SDK1: variants seen among roughly 807,000 people sequenced by gnomAD.
SDK1 encodes the protein sidekick cell adhesion molecule 1, also known as protein sidekick-1.
In SDK1, 157 loss-of-function variants were observed where a neutral mutation model predicts 245.5. The observed-to-expected ratio is 0.64, with a 90% CI of 0.56 to 0.73. The LOEUF is 0.73. Among genes scored for constraint, SDK1 ranks in the 30% least tolerant of loss-of-function variants. SDK1 has a pLI of 0.00. For synonymous variants in SDK1, 1,647 were observed against 1,278.5 expected, an observed-to-expected ratio of 1.29 and a Z score of -6.15; for missense variants, 3,583 against 3,002.3, an observed-to-expected ratio of 1.19 and a Z score of -4.52.
chr7:3,465,084 G>C (rs1780951659), intron 1 of SDK1, among the ~76,000 whole-genome samples: 2 of 152,124 alleles, frequency 1.3e-5, no homozygotes, highest in African/African-American at 4.8e-5. Flanking sequence ...ACATGTGGTG[G>C]GGCTAATCCG....
chr7:3,990,536 C>T (rs574676503), intron 14 of SDK1, among the ~76,000 whole-genome samples: 16 of 152,322 alleles, frequency 1.1e-4, no homozygotes, highest in Middle Eastern at 3.4e-3. Flanking sequence ...GTACGTAAAA[C>T]AGGACTTGAC....
chr7:4,213,988 G>A (rs1562441688), intron 38 of SDK1, among the ~76,000 whole-genome samples: 1 of 152,188 alleles, frequency 6.6e-6, no homozygotes, highest in African/African-American at 2.4e-5. Context: ...GTCGGGCACT[G>A]TGCTCAGCAC....
chr7:3,508,671 TC>T (rs1256601525), intron 1 of SDK1, among the ~76,000 whole-genome samples: 1 of 152,186 alleles, frequency 6.6e-6, no homozygotes, highest in Non-Finnish European at 1.5e-5. Context: ...AGCTCTAATT[TC>T]AAGAGACCTT....
At chr7:4,101,755 C>T (rs1028412819) in intron 22 of SDK1, among the ~76,000 whole-genome samples, 3 of 152,078 alleles carry the variant, frequency 2.0e-5, no homozygotes, top group Admixed American at 6.5e-5. Context: ...TGCCTGTGGT[C>T]GGTAGGAAGG....
intron 4 of SDK1, among the ~76,000 whole-genome samples, chr7:3,764,677 G>C (rs917506783): frequency 1.3e-5 from 2 of 151,462 alleles, no homozygotes; most frequent in Non-Finnish European, 2.9e-5. Context: ...GTGAGACTCT[G>C]TCTCAAAAAA....
intron 1 of SDK1, among the ~76,000 whole-genome samples, chr7:3,530,935 A>G (rs1419645731): frequency 1.3e-5 from 2 of 152,222 alleles, no homozygotes; most frequent in Non-Finnish European, 2.9e-5. Context: ...ATTTGCAGTG[A>G]GAAGTCTTTA....
intron 28 of SDK1, among the ~76,000 whole-genome samples, chr7:4,135,307 C>G (rs560929809): frequency 2.0e-5 from 3 of 152,266 alleles, no homozygotes; most frequent in Admixed American, 2.0e-4. Context: ...TTGCCAGGAG[C>G]GGGAGTTTGT....
chr7:4,158,380 AC>A, intron 30 of SDK1, 67 bp from the exon 31 acceptor site: 1 of 1,321,612 alleles, frequency 7.6e-7, no homozygotes, highest in East Asian at 2.3e-5. Context: ...CCAGGGCTTC[AC>A]CAGGAATGCC....
chr7:3,317,167 T>G (rs1779683628), intron 1 of SDK1, among the ~76,000 whole-genome samples: 1 of 104,990 alleles, frequency 9.5e-6, no homozygotes, highest in Non-Finnish European at 1.7e-5. Flanking sequence ...GGCAACAGAG[T>G]GAGACTCTGT....
chr7:3,931,296 G>A (rs1216064020), intron 5 of SDK1, among the ~76,000 whole-genome samples: 1 of 152,112 alleles, frequency 6.6e-6, no homozygotes, highest in African/African-American at 2.4e-5. Context: ...ATCAGTCTGG[G>A]GCATTTTCTT....
intron 5 of SDK1, among the ~76,000 whole-genome samples, chr7:3,915,139 C>G (rs573913454): frequency 3.2e-4 from 49 of 152,200 alleles, no homozygotes; most frequent in Non-Finnish European, 5.7e-4. Context: ...TTCCAAATAA[C>G]AGGGTCTACA....
intron 4 of SDK1, among the ~76,000 whole-genome samples, chr7:3,706,901 G>C (rs981118507): frequency 1.3e-5 from 2 of 152,096 alleles, no homozygotes; most frequent in South Asian, 2.1e-4. Context: ...GCTGTCAGTT[G>C]TAATGTCTCT....
chr7:3,702,660 C>T (rs941711944), intron 4 of SDK1, among the ~76,000 whole-genome samples: 1 of 152,158 alleles, frequency 6.6e-6, no homozygotes, highest in South Asian at 2.1e-4. Flanking sequence ...CCTCATGACC[C>T]GAGAAACCTG....
chr7:3,497,921 A>T lies in SDK1; in HGVS notation c.299-121159A>T, dbSNP rs557758922. Among the ~76,000 whole-genome samples the T allele has an allele frequency of 3.0e-4, 45 of 152,306 alleles. 1 individual carries two copies. The South Asian group carries it at 9.1e-3, about 31-fold the overall frequency. ...GGCTATGAGGTTAGGGAGTTTCTGGATGTGATACTTTTTCCAAAGTTTCCC... is the reference window on the plus strand; with the variant it reads ...GGCTATGAGGTTAGGGAGTTTCTGGTTGTGATACTTTTTCCAAAGTTTCCC... On this transcript the variant is annotated intron_variant, in intron 1 of 44. Transcript: ENST00000404826.
At chr7:4,033,353 C>T (rs1285602480) in intron 17 of SDK1, among the ~76,000 whole-genome samples, 1 of 152,048 alleles carries the variant, frequency 6.6e-6, no homozygotes, top group Non-Finnish European at 1.5e-5. Flanking sequence ...TGAAACTGTA[C>T]AAGTACTAGA....
At chr7:3,728,802 C>T (rs1216162578) in intron 4 of SDK1, among the ~76,000 whole-genome samples, 1 of 152,022 alleles carries the variant, frequency 6.6e-6, no homozygotes, top group Non-Finnish European at 1.5e-5. Flanking sequence ...GGCGGGGTTT[C>T]ACCATGTTGG....
rs377376277 is a variant in SDK1 at position 3,707,474 on chromosome 7, C to T, written c.713+65369C>T. 1.1e-3 allele frequency among the ~76,000 whole-genome samples: 164 copies of T among 152,260 alleles called. 1 individual carries two copies. Among genetic ancestry groups the T allele is most frequent in the African/African-American group, 3.8e-3 (159 of 41,554 alleles). On this transcript the variant is annotated intron_variant, in intron 4 of 44. Coordinates refer to ENST00000404826, the MANE Select transcript of SDK1 (RefSeq NM_152744.4). ...GAGACTTGTTTTGTAATCCATTATA[C>T]GGTCTATCTTGGAGACTGTTCCATA...
intron 4 of SDK1, among the ~76,000 whole-genome samples, chr7:3,676,817 A>T (rs1043219973): frequency 1.3e-5 from 2 of 152,178 alleles, no homozygotes; most frequent in African/African-American, 4.8e-5. Context: ...TGTTGATCAG[A>T]TGGTTGTAGG....
chr7:3,484,870 A>G (rs1249487068), intron 1 of SDK1, among the ~76,000 whole-genome samples: 1 of 152,224 alleles, frequency 6.6e-6, no homozygotes, highest in Non-Finnish European at 1.5e-5. Context: ...CCTTTGTGGA[A>G]GCATAACATA....
Sources: allele counts gnomAD v4.1 joint callset (sites outside exome capture counted in the v4.1 genomes callset), GRCh38; gene constraint gnomAD v4.1.1; transcripts MANE v1.5; gene names NCBI Gene and HGNC (gene_info 2026-07-23, HGNC 2026-07-21).